Variants in RIPPLY3 observed in about 807,000 individuals in gnomAD.
RIPPLY3 encodes protein ripply3.
Under a neutral mutation model 11.9 loss-of-function variants are expected in RIPPLY3, and 8 were observed. The ratio of observed to expected loss-of-function variants is 0.67; its 90% CI spans 0.40 to 1.21. The LOEUF (loss-of-function observed/expected upper bound fraction) is 1.21. Ranked by LOEUF, RIPPLY3 falls within the 50% of genes most tolerant of loss-of-function variation. The pLI, the probability that RIPPLY3 is intolerant of heterozygous loss-of-function variation, is 0.01. For missense variants in RIPPLY3, 271 were observed against 246.0 expected (o/e 1.10, Z -0.68); for synonymous variants, 102 against 99.0 (o/e 1.03, Z -0.18).
chr21:37,007,466 T>C lies in RIPPLY3; in HGVS notation c.104+590T>C, dbSNP rs550306368. ...CTGTGTCGCCCAGGCTGGAGTGCAA[T>C]GGCGTGATCTCGGCTCACGGGAACC... is the stretch of plus-strand genomic sequence containing the variant. On this transcript the variant is annotated intron_variant, in intron 1 of 3. Transcript: ENST00000329553. Among the ~76,000 whole-genome samples the C allele has an allele frequency of 7.3e-4, 99 of 136,330 alleles. 3 individuals are homozygous for C. Among genetic ancestry groups the C allele is most frequent in the Admixed American group, 5.7e-4 (7 of 12,226 alleles). The allele number at this position is 136,330 out of a possible 152,430, so 89.4% of individuals were successfully genotyped here. A position where few individuals can be genotyped will look rare whatever the true frequency, so the allele number is the denominator to read the frequency against.
At chr21:37,012,194 G>C (rs1468872589) in intron 2 of RIPPLY3, among the ~76,000 whole-genome samples, 2 of 145,600 alleles carry the variant, frequency 1.4e-5, no homozygotes, top group East Asian at 2.0e-4. Flanking sequence ...CACTGCCCCA[G>C]ACCATTTCCG....
At chr21:37,015,329 A>G (rs752991011) in intron 3 of RIPPLY3, among the ~76,000 whole-genome samples, 1 of 151,898 alleles carries the variant, frequency 6.6e-6, no homozygotes, top group Non-Finnish European at 1.5e-5. Flanking sequence ...ATGCCTGGCT[A>G]ATTTTTGTAT....
rs747978865 is a variant in RIPPLY3 at position 37,008,168 on chromosome 21, G to T, written c.116G>T (p.Trp39Leu). The T allele has an allele frequency of 3.1e-6, 5 of 1,614,162 alleles. No individual in the cohort carries two copies. The highest frequency in any genetic ancestry group is 3.4e-6 in the Non-Finnish European group (4 of 1,180,030). Residue 39 changes from tryptophan (W) to leucine (L), a missense_variant, in exon 2 of 4, where the codon TGG becomes TTG. Transcript: ENST00000329553. ...PPRGPESPAP[W>L]RPWIQTPGDA... ...GCTTGCCGTTCCAGCCCCGCGCCGT[G>T]GCGACCTTGGATCCAGACACCTGGA...
At chr21:37,010,879 T>A (rs1369928439) in intron 2 of RIPPLY3, among the ~76,000 whole-genome samples, 1 of 152,234 alleles carries the variant, frequency 6.6e-6, no homozygotes, top group Non-Finnish European at 1.5e-5. Flanking sequence ...TTAAACGCAG[T>A]GCTTGCGTTG....
chr21:37,008,614 T>A (rs1471825887), intron 2 of RIPPLY3, among the ~76,000 whole-genome samples: 1 of 151,698 alleles, frequency 6.6e-6, no homozygotes, highest in Non-Finnish European at 1.5e-5. Context: ...AAAAATTAGC[T>A]GGGCATGGTG....
chr21:37,011,259 C>T (rs1019435122), intron 2 of RIPPLY3, among the ~76,000 whole-genome samples: 3 of 152,190 alleles, frequency 2.0e-5, no homozygotes, highest in Non-Finnish European at 4.4e-5. Flanking sequence ...CTCCTGCCTC[C>T]GCCTCCCACA....
At position 37,006,943 on chromosome 21, in the gene RIPPLY3, A is replaced by G; in HGVS notation, c.104+67A>G. 3.2e-6 allele frequency: 3 copies of G among 943,376 alleles called. No homozygotes were observed. The highest frequency in any genetic ancestry group is 4.1e-6 in the Non-Finnish European group (3 of 731,558). 58.4% of individuals were successfully genotyped at this position (943,376 alleles called of 1,614,324 possible). ...TGCGCGGTGGCGGTGCGGGGAGCGC[A>G]GCGAGCGGGAGGCTGGGGCGCTGCT... On this transcript the variant is annotated intron_variant, in intron 1 of 3. Transcript: ENST00000329553. The surrounding 1 kb of genome is among the most constrained non-coding windows in gnomAD (Gnocchi z 5.2).
rs895853940 is a variant in RIPPLY3, at chr21:37,007,400, CTTTTTTTTT to C, written c.104+542_104+550del. Among the ~76,000 whole-genome samples the C allele has an allele frequency of 1.2e-4, 10 of 86,272 alleles. 1 individual carries two copies. The highest frequency in any genetic ancestry group is 1.8e-4 in the Non-Finnish European group (8 of 45,332). 56.6% of individuals were successfully genotyped at this position (86,272 alleles called of 152,430 possible). ...TAGCCAGGCAGGAGAAAGATTCCCT[CTTTTTTTTT>C]TTTTTTTTTTTTTTTTTGAGACAGG... On this transcript the variant is annotated intron_variant, in intron 1 of 3. Coordinates refer to ENST00000329553, the MANE Select transcript of RIPPLY3 (RefSeq NM_018962.3).
intron 3 of RIPPLY3, among the ~76,000 whole-genome samples, chr21:37,016,873 T>C (rs768867853): frequency 2.6e-5 from 4 of 151,828 alleles, no homozygotes; most frequent in African/African-American, 4.8e-5. Context: ...TAAGAGATTA[T>C]GGCCGGGAGT....
intron 1 of RIPPLY3, among the ~76,000 whole-genome samples, chr21:37,007,521 G>A (rs1434114181): frequency 6.9e-6 from 1 of 144,958 alleles, no homozygotes; most frequent in Non-Finnish European, 1.5e-5. Flanking sequence ...CGATTTTCCT[G>A]CCTCAGCCTC....
chr21:37,006,685 C>G (rs2146770595), upstream of RIPPLY3: 3 of 857,250 alleles, frequency 3.5e-6, no homozygotes, highest in South Asian at 1.8e-4. The surrounding 1 kb of genome is among the most constrained non-coding windows in gnomAD (Gnocchi z 5.2). Flanking sequence ...AAACCTGGCG[C>G]GCGGGTAGGT....
At position 37,011,017 on chromosome 21, in the gene RIPPLY3, C is replaced by T. The variant is rs538011637; in HGVS notation, c.172-2534C>T. ...ATTTTTTTTTTTTGAGGCGGAGTTTCGCTCTTGTCGCCCAGGCTGGAGTGC... is the reference window on the plus strand; with the variant it reads ...ATTTTTTTTTTTTGAGGCGGAGTTTTGCTCTTGTCGCCCAGGCTGGAGTGC... On this transcript the variant is annotated intron_variant, in intron 2 of 3. Coordinates refer to ENST00000329553, the MANE Select transcript of RIPPLY3 (RefSeq NM_018962.3). Among the ~76,000 whole-genome samples, 18 of 150,264 alleles carry T rather than the reference C, an allele frequency of 1.2e-4. No individual in the cohort carries two copies. In the East Asian group the frequency reaches 2.5e-3, roughly 21 times the overall value.
chr21:37,006,973 C>A lies in RIPPLY3; in HGVS notation c.104+97C>A. 1.4e-6 allele frequency: 1 copy of A among 695,248 alleles called. No homozygotes were observed. Among genetic ancestry groups the A allele is most frequent in the African/African-American group, 1.9e-5 (1 of 53,372 alleles). 43.1% of individuals were successfully genotyped at this position (695,248 alleles called of 1,614,324 possible). A position where few individuals can be genotyped will look rare whatever the true frequency, so the allele number is the denominator to read the frequency against. ...GCGGGAGGCTGGGGCGCTGCTGAAC[C>A]CCCGATCCCCAGCGGAGCTCCGGAG... On this transcript the variant is annotated intron_variant, in intron 1 of 3. Coordinates refer to ENST00000329553, the MANE Select transcript of RIPPLY3 (RefSeq NM_018962.3). The surrounding 1 kb of genome is among the most constrained non-coding windows in gnomAD (Gnocchi z 5.2).
chr21:37,006,519 G>A (rs2069464612), upstream of RIPPLY3: 1 of 324,024 alleles, frequency 3.1e-6, no homozygotes, highest in East Asian at 4.7e-5. This position sits in a 1 kb window ranked among gnomAD's most constrained non-coding sequence, Gnocchi z 5.2. Context: ...CCCCATCCCC[G>A]GCTCCCTGGT....
chr21:37,018,248 C>G lies in RIPPLY3; in HGVS notation c.*41C>G. Reference sequence around the variant, plus strand: ...CTGGGCCCTGCTCTGGGACCTGCCCCTCACGTTCTCTTGGGGACACCCGAG... The same window carrying G: ...CTGGGCCCTGCTCTGGGACCTGCCCGTCACGTTCTCTTGGGGACACCCGAG... On this transcript the variant is annotated 3_prime_UTR_variant, in exon 4 of 4. Coordinates refer to ENST00000329553, the MANE Select transcript of RIPPLY3 (RefSeq NM_018962.3). The G allele has an allele frequency of 6.5e-7, 1 of 1,542,500 alleles. No homozygotes were observed.
Position 37,008,291 on chromosome 21 carries a change from A to G in RIPPLY3, c.171+68A>G. ...AAAGTGGCATCGTCTTTTAAAATACAGGGACCGTGAATGGCCTTCTGCGCA... is the reference window on the plus strand; with the variant it reads ...AAAGTGGCATCGTCTTTTAAAATACGGGGACCGTGAATGGCCTTCTGCGCA... On this transcript the variant is annotated intron_variant, in intron 2 of 3. Coordinates refer to ENST00000329553, the MANE Select transcript of RIPPLY3 (RefSeq NM_018962.3). 1.9e-6 allele frequency: 3 copies of G among 1,543,882 alleles called. No homozygotes were observed. In the Admixed American group the frequency reaches 5.3e-5, roughly 27 times the overall value.
intron 3 of RIPPLY3, among the ~76,000 whole-genome samples, chr21:37,015,419 C>T (rs1327021569): frequency 1.3e-5 from 2 of 152,178 alleles, no homozygotes; most frequent in Non-Finnish European, 2.9e-5. Flanking sequence ...CCGCCTTGGC[C>T]TTCCAAAGTG....
rs528982612 is a variant in RIPPLY3, at chr21:37,017,850, G to C, written c.240-24G>C. 313 of 1,573,526 alleles carry C rather than the reference G, an allele frequency of 2.0e-4. 3 individuals are homozygous for C. In the East Asian group the frequency reaches 6.9e-3, roughly 35 times the overall value. On this transcript the variant is annotated intron_variant, in intron 3 of 3. Coordinates refer to ENST00000329553, the MANE Select transcript of RIPPLY3 (RefSeq NM_018962.3). ...AGGACGAGGTTCAGGTTGATTAATG[G>C]TATATTTGTTTCTTAAATATTAGAG... is the stretch of plus-strand genomic sequence containing the variant.
intron 2 of RIPPLY3, 92 bp downstream of exon 2, chr21:37,008,315 C>A: frequency 7.5e-7 from 1 of 1,330,030 alleles, no homozygotes; most frequent in Non-Finnish European, 1.1e-6. Context: ...GCCTTCTGCG[C>A]AGGGCCGTCC....
Sources: gnomAD v4.1 joint callset for allele counts (sites outside exome capture counted in the v4.1 genomes callset) on GRCh38, gnomAD v4.1.1 for gene constraint, Gnocchi (gnomAD v3.1) non-coding constraint, MANE v1.5 for transcripts, NCBI Gene and HGNC (gene_info 2026-07-23, HGNC 2026-07-21) for gene names.